Variants in USP34 observed in about 807,000 individuals in gnomAD.
The protein encoded by USP34 is ubiquitin specific peptidase 34, also known as ubiquitin carboxyl-terminal hydrolase 34.
A neutral mutation model predicts 460.3 loss-of-function variants in USP34; 70 were observed. The observed-to-expected ratio is 0.15, with a 90% CI of 0.13 to 0.19. USP34 has a LOEUF of 0.19. Among genes scored for constraint, USP34 ranks in the 10% least tolerant of loss-of-function variants. USP34 has a pLI of 1.00. For synonymous variants in USP34, 1,647 were observed against 1,405.3 expected (o/e 1.17, Z -3.85); for missense variants, 3,985 against 4,236.2 (o/e 0.94, Z 1.65).
At chr2:61,414,841 G>A (rs1694147810) in intron 2 of USP34, among the ~76,000 whole-genome samples, 1 of 152,110 alleles carries the variant, frequency 6.6e-6, no homozygotes, top group East Asian at 1.9e-4. Context: ...CCCATGATCA[G>A]TCTGAAGTTA....
At chr2:61,215,994 T>C (rs1224634574) in intron 67 of USP34, among the ~76,000 whole-genome samples, 1 of 152,226 alleles carries the variant, frequency 6.6e-6, no homozygotes, top group African/African-American at 2.4e-5. Flanking sequence ...TTGGGTTCTT[T>C]TCAGGACAAC....
chr2:61,410,964 A>G (rs1694018724), intron 2 of USP34, among the ~76,000 whole-genome samples: 1 of 152,184 alleles, frequency 6.6e-6, no homozygotes, highest in African/African-American at 2.4e-5. Context: ...AATGAAAGGT[A>G]CAATTAAAAC....
chr2:61,399,665 G>C (rs1051164391), intron 3 of USP34, among the ~76,000 whole-genome samples: 2 of 151,880 alleles, frequency 1.3e-5, no homozygotes, highest in South Asian at 4.2e-4. Context: ...GAGGCCAAGA[G>C]TTGGAGATCA....
intron 2 of USP34, among the ~76,000 whole-genome samples, chr2:61,410,419 G>A (rs1694003443): frequency 6.6e-6 from 1 of 152,162 alleles, no homozygotes; most frequent in African/African-American, 2.4e-5. Flanking sequence ...TGTGAGCAAT[G>A]GGGAATGGCT....
chr2:61,339,829 G>GTT (rs940968623), intron 16 of USP34, 148 bp from the exon 17 acceptor site: 2 of 425,610 alleles, frequency 4.7e-6, no homozygotes, highest in African/African-American at 2.2e-5. Flanking sequence ...ATTTTGTTTT[G>GTT]TTTTGTTTTT....
chr2:61,361,155 A>T (rs1275960233), intron 10 of USP34, among the ~76,000 whole-genome samples: 2 of 152,206 alleles, frequency 1.3e-5, no homozygotes, highest in Non-Finnish European at 2.9e-5. Context: ...TCACACATGT[A>T]ATCTCAACAA....
chr2:61,298,537 C>CAAAAAAAAAAAAAAAAAAAA (rs57087400), intron 29 of USP34, among the ~76,000 whole-genome samples: 4 of 28,288 alleles, frequency 1.4e-4, no homozygotes, highest in African/African-American at 1.7e-4. Context: ...GACTCTGTCT[C>CAAAAAAAAAAAAAAAAAAAA]AAAAAAAAAA....
chr2:61,400,203 G>A lies in USP34; in HGVS notation c.553-4970C>T, dbSNP rs189148372. Among the ~76,000 whole-genome samples, 38 of 151,406 alleles carry A rather than the reference G, an allele frequency of 2.5e-4. 1 individual carries two copies. Among genetic ancestry groups the A allele is most frequent in the Admixed American group, 4.6e-4 (7 of 15,158 alleles). ...CGGCTCATTACAAGCTCCGCCTCCC[G>A]GGTTCACGCCATTCTCCCGCCTCAG... On this transcript the variant is annotated intron_variant, in intron 3 of 79. Transcript: ENST00000398571.
chr2:61,278,558 A>G (rs369571916), intron 39 of USP34, 115 bp from the exon 40 acceptor site: 112 of 800,842 alleles, frequency 1.4e-4, no homozygotes, highest in African/African-American at 5.6e-4. Context: ...CCCAAATTCA[A>G]TAAGTTATAA....
Position 61,210,049 on chromosome 2 carries a change from T to C in USP34, c.8841-1072A>G, listed in dbSNP as rs1280573319. ...TGATAGTGTGTTTTAAGTGCTACGA[T>C]AGAAGAATCAAGAAGTTAAAAAAAC... On this transcript the variant is annotated intron_variant, in intron 69 of 79. Transcript: ENST00000398571. Among the ~76,000 whole-genome samples, 4 of 152,196 alleles carry C rather than the reference T, an allele frequency of 2.6e-5. No homozygotes were observed. The East Asian group carries it at 7.7e-4, about 29-fold the overall frequency.
At chr2:61,395,132 T>C (rs1391934801) in intron 4 of USP34, 51 bp downstream of exon 4, 7 of 1,469,344 alleles carry the variant, frequency 4.8e-6, no homozygotes, top group Admixed American at 2.2e-5. Flanking sequence ...GATGAGGCTT[T>C]GTTAAAAAAA....
At chr2:61,328,400 C>G (rs190592296) in intron 20 of USP34, among the ~76,000 whole-genome samples, 7 of 151,510 alleles carry the variant, frequency 4.6e-5, no homozygotes, top group Middle Eastern at 3.4e-3. Flanking sequence ...CTACAAGAAT[C>G]TTTTTCCCCC....
rs1356943240 is a variant in USP34, at chr2:61,314,926, C to T, written c.3331G>A (p.Gly1111Ser). Residue 1111 changes from glycine (G) to serine (S), a missense_variant, in exon 24 of 80, where the codon GGT (glycine) becomes AGT (serine). This residue lies in a region of USP34 where 1,114 missense variants were observed against 1,122.5 expected (regional missense o/e 0.99). Transcript: ENST00000398571. Reference protein sequence around the residue: ...FWGIALRAQSGDVSRAAIQYI... With the variant: ...FWGIALRAQSSDVSRAAIQYI... ...TGGATAGCTGCTCGACTGACATCAC[C>T]AGATTGTGCTCTTAAAGCAATGCCC... 1.9e-6 allele frequency: 3 copies of T among 1,613,828 alleles called. No individual in the cohort carries two copies. Among genetic ancestry groups the T allele is most frequent in the Non-Finnish European group, 2.5e-6 (3 of 1,179,904 alleles).
At chr2:61,414,939 G>A (rs1694150058) in intron 2 of USP34, among the ~76,000 whole-genome samples, 1 of 152,180 alleles carries the variant, frequency 6.6e-6, no homozygotes, top group African/African-American at 2.4e-5. Flanking sequence ...CTCCTATGCA[G>A]ATGAAGACTT....
chr2:61,383,278 T>A lies in USP34; in HGVS notation c.812A>T (p.Tyr271Phe). 6.3e-7 allele frequency: 1 copy of A among 1,598,304 alleles called. No homozygotes were observed. The highest frequency in any genetic ancestry group is 8.5e-7 in the Non-Finnish European group (1 of 1,171,830). The change falls in exon 6 of 80, where the codon TAT becomes TTT. Residue 271 changes from tyrosine to phenylalanine, a missense_variant. By Grantham distance (22) the Tyr-to-Phe change is conservative (BLOSUM62 3). Coordinates refer to ENST00000398571, the MANE Select transcript of USP34 (RefSeq NM_014709.4). ...VMQHIIPFRT[Y>F]VIRYLCKLSD... is the part of the protein sequence containing the mutation. ...AATTTTATAAACTTACCTAATAACA[T>A]AGGTCCTAAAAGGTATAATGTGCTG...
At position 61,281,150 on chromosome 2, in the gene USP34, T is replaced by G. The variant is rs143014082; in HGVS notation, c.5091A>C (p.Leu1697=). The change falls in exon 38 of 80, where the codon CTA becomes CTC. Residue 1697 remains leucine (L), a synonymous_variant. Coordinates refer to ENST00000398571, the MANE Select transcript of USP34 (RefSeq NM_014709.4). The part of the protein sequence containing the change: ...GGDSINRSFL[L]LAASTLLKFL... The stretch of plus-strand genomic sequence containing the variant: ...ATTTCAATAATGTTGAGGCAGCCAA[T>G]AGCAGAAAAGAACGATTGATTGAGT... The G allele has an allele frequency of 2.5e-6, 4 of 1,613,892 alleles. No homozygotes were observed. The South Asian group carries it at 4.4e-5, about 18-fold the overall frequency.
chr2:61,324,655 C>A (rs949658475), intron 21 of USP34, among the ~76,000 whole-genome samples: 4 of 151,838 alleles, frequency 2.6e-5, no homozygotes, highest in African/African-American at 9.7e-5. Flanking sequence ...CATAGTCCCA[C>A]GTTACTGAGG....
At chr2:61,427,287 C>T (rs1246102563) in intron 1 of USP34, among the ~76,000 whole-genome samples, 2 of 152,232 alleles carry the variant, frequency 1.3e-5, no homozygotes, top group Non-Finnish European at 2.9e-5. Flanking sequence ...CTTGGCCTCC[C>T]AAAGTGCTGG....
intron 16 of USP34, among the ~76,000 whole-genome samples, chr2:61,341,609 C>T (rs890969659): frequency 6.6e-6 from 1 of 151,966 alleles, no homozygotes; most frequent in Non-Finnish European, 1.5e-5. Flanking sequence ...GAGACCCCTG[C>T]TCCCCCTTCA....
Sources: allele counts gnomAD v4.1 joint callset (sites outside exome capture counted in the v4.1 genomes callset), GRCh38; gene constraint gnomAD v4.1.1; regional missense constraint gnomAD v4.1.1; transcripts MANE v1.5; gene names NCBI Gene and HGNC (gene_info 2026-07-23, HGNC 2026-07-21).